The following CA10 variants were observed in gnomAD, a reference collection of about 807,000 sequenced individuals.
CA10 encodes carbonic anhydrase-related protein 10.
A neutral mutation model predicts 44.2 loss-of-function variants in CA10; 14 were observed. That is an observed-to-expected ratio of 0.32 (90% CI 0.21 to 0.50). CA10 has a LOEUF of 0.50. Among genes scored for constraint, CA10 ranks in the 20% least tolerant of loss-of-function variants. CA10 has a pLI of 0.99. For synonymous variants in CA10, 159 were observed against 141.6 expected (o/e 1.12, Z -0.87); for missense variants, 350 against 409.7 (o/e 0.85, Z 1.26).
At chr17:52,130,158 T>C (rs1989202359) in intron 1 of CA10, among the ~76,000 whole-genome samples, 1 of 152,022 alleles carries the variant, frequency 6.6e-6, no homozygotes, top group Non-Finnish European at 1.5e-5. Context: ...AGATAACAAG[T>C]GTTGGTGAGG....
chr17:51,752,887 G>T (rs181572087), intron 3 of CA10, among the ~76,000 whole-genome samples: 1 of 152,210 alleles, frequency 6.6e-6, no homozygotes, highest in East Asian at 1.9e-4. Flanking sequence ...CCACTGCACT[G>T]CAGCCTGGGT....
chr17:51,928,132 G>T (rs1367880363), intron 3 of CA10, among the ~76,000 whole-genome samples: 1 of 151,836 alleles, frequency 6.6e-6, no homozygotes, highest in Non-Finnish European at 1.5e-5. Flanking sequence ...AGATTTATTG[G>T]GGATGGGATC....
intron 2 of CA10, among the ~76,000 whole-genome samples, chr17:52,039,110 C>T (rs987115102): frequency 6.6e-6 from 1 of 151,280 alleles, no homozygotes; most frequent in African/African-American, 2.4e-5. Flanking sequence ...ATTAATTCTC[C>T]CCCATCTTGA....
chr17:52,100,439 CT>C (rs1240916719), intron 1 of CA10, among the ~76,000 whole-genome samples: 1 of 128,788 alleles, frequency 7.8e-6, no homozygotes, highest in African/African-American at 2.5e-5. Flanking sequence ...CAACAGGACT[CT>C]CAAAAAAAAC....
chr17:52,052,751 G>A (rs919008712), intron 2 of CA10, among the ~76,000 whole-genome samples: 15 of 152,006 alleles, frequency 9.9e-5, no homozygotes, highest in African/African-American at 2.7e-4. Context: ...AAAAGTACTC[G>A]GAGCAGAAGC....
At chr17:52,002,818 T>C (rs1300182868) in intron 2 of CA10, among the ~76,000 whole-genome samples, 1 of 151,904 alleles carries the variant, frequency 6.6e-6, no homozygotes, top group African/African-American at 2.4e-5. Flanking sequence ...CTTATTACCA[T>C]GTATTTAGGT....
chr17:51,745,586 AAT>A (rs1384069831), intron 4 of CA10, among the ~76,000 whole-genome samples: 7 of 152,272 alleles, frequency 4.6e-5, no homozygotes, highest in African/African-American at 1.4e-4. Context: ...TAAGAGATCA[AAT>A]TACTATATGT....
intron 3 of CA10, among the ~76,000 whole-genome samples, chr17:51,833,362 C>A (rs905137321): frequency 5.3e-5 from 8 of 152,178 alleles, no homozygotes; most frequent in African/African-American, 1.9e-4. Context: ...TATTTTCCAA[C>A]AGCCTTTGAT....
intron 2 of CA10, among the ~76,000 whole-genome samples, chr17:52,008,115 A>AT (rs1056121353): frequency 1.3e-5 from 2 of 151,250 alleles, no homozygotes; most frequent in African/African-American, 4.8e-5. Context: ...AATCAGTTTT[A>AT]TTTTTCAAAG....
chr17:52,019,566 T>C (rs559767000), intron 2 of CA10, among the ~76,000 whole-genome samples: 2 of 152,262 alleles, frequency 1.3e-5, no homozygotes, highest in Admixed American at 6.5e-5. Context: ...TAATTTTTTT[T>C]ACTATGTTTA....
At chr17:51,767,095 C>G (rs1463818902) in intron 3 of CA10, among the ~76,000 whole-genome samples, 1 of 152,180 alleles carries the variant, frequency 6.6e-6, no homozygotes, top group Non-Finnish European at 1.5e-5. Context: ...TGTTTACTAA[C>G]TGCAAGTTCA....
chr17:51,728,133 C>A (rs1393019939), intron 4 of CA10, among the ~76,000 whole-genome samples: 1 of 152,106 alleles, frequency 6.6e-6, no homozygotes, highest in Non-Finnish European at 1.5e-5. Flanking sequence ...CTCAAGTGAT[C>A]CCTGCCTTAG....
intron 2 of CA10, among the ~76,000 whole-genome samples, chr17:51,973,153 A>G (rs1450237356): frequency 6.6e-6 from 1 of 152,380 alleles, no homozygotes; most frequent in East Asian, 1.9e-4. Flanking sequence ...TATGACTAGA[A>G]GTTAATATTT....
At chr17:52,072,710 C>T (rs1051777613) in intron 1 of CA10, among the ~76,000 whole-genome samples, 1 of 151,392 alleles carries the variant, frequency 6.6e-6, no homozygotes, top group African/African-American at 2.4e-5. Flanking sequence ...CACACACACA[C>T]ACACACAACA....
intron 3 of CA10, among the ~76,000 whole-genome samples, chr17:51,833,446 G>A (rs575038615): frequency 6.6e-6 from 1 of 152,250 alleles, no homozygotes; most frequent in Admixed American, 6.5e-5. Flanking sequence ...TAAAATTCTA[G>A]CTCAATTGAA....
At chr17:51,913,490 C>T (rs1471623265) in intron 3 of CA10, among the ~76,000 whole-genome samples, 1 of 152,108 alleles carries the variant, frequency 6.6e-6, no homozygotes, top group East Asian at 1.9e-4. Flanking sequence ...TTTGGGAAAG[C>T]CATGCCATCT....
chr17:51,724,872 C>T (rs1916463308), intron 4 of CA10, among the ~76,000 whole-genome samples: 1 of 152,084 alleles, frequency 6.6e-6, no homozygotes, highest in Non-Finnish European at 1.5e-5. Flanking sequence ...GTCTACTGGC[C>T]GCTCAGTAAA....
At chr17:51,791,813 T>G (rs1359531353) in intron 3 of CA10, among the ~76,000 whole-genome samples, 1 of 152,250 alleles carries the variant, frequency 6.6e-6, no homozygotes, top group East Asian at 1.9e-4. Flanking sequence ...TAATAGCTTT[T>G]GAAGACCCTG....
chr17:52,034,240 C>G (rs1439679085), intron 2 of CA10, among the ~76,000 whole-genome samples: 1 of 152,148 alleles, frequency 6.6e-6, no homozygotes, highest in Non-Finnish European at 1.5e-5. Context: ...CAGAAAGAAA[C>G]TTCTGGAGGT....
Sources: allele counts gnomAD v4.1 joint callset (sites outside exome capture counted in the v4.1 genomes callset), GRCh38; gene constraint gnomAD v4.1.1; transcripts MANE v1.5; gene names NCBI Gene and HGNC (gene_info 2026-07-23, HGNC 2026-07-21).